The following SAMD8 variants were observed in gnomAD, a reference collection of about 807,000 sequenced individuals.
SAMD8 encodes the protein sphingomyelin synthase-related protein 1.
In SAMD8, 20 loss-of-function variants were observed where a neutral mutation model predicts 42.0. The observed-to-expected ratio is 0.48, with a 90% confidence interval of 0.34 to 0.69. The LOEUF is 0.69. Among genes scored for constraint, SAMD8 ranks in the 30% least tolerant of loss-of-function variants. The probability of loss-of-function intolerance (pLI) is 0.01; values close to 1 mark genes in which losing one functional copy is unlikely to be tolerated. For synonymous variants in SAMD8, 162 were observed against 173.0 expected, an observed-to-expected ratio of 0.94 and a Z score of 0.50; for missense variants, 328 against 511.6, an observed-to-expected ratio of 0.64 and a Z score of 3.46.
Position 75,176,261 on chromosome 10 carries a change from G to T in SAMD8, c.943+45G>T. ...TTCTATGCGTATTAGGTAACTAGCT[G>T]CAGTGAAGGCTGTGGGAAGGGTGTC... On this transcript the variant is annotated intron_variant, in intron 5 of 5. Coordinates refer to ENST00000542569, the MANE Select transcript of SAMD8 (RefSeq NM_001174156.2). The surrounding 1 kb of genome is among the most constrained non-coding windows in gnomAD (Gnocchi z 4.3). The T allele has an allele frequency of 1.9e-6, 3 of 1,613,902 alleles. No homozygotes were observed. The highest frequency in any genetic ancestry group is 2.2e-5 in the East Asian group (1 of 44,890).
chr10:75,137,856 T>G (rs1241303077), intron 1 of SAMD8, among the ~76,000 whole-genome samples: 1 of 152,126 alleles, frequency 6.6e-6, no homozygotes, highest in Non-Finnish European at 1.5e-5. Flanking sequence ...ACACTTAAAA[T>G]GGTAAAAATG....
intron 1 of SAMD8, among the ~76,000 whole-genome samples, chr10:75,149,667 TG>T (rs1840234539): frequency 6.6e-6 from 1 of 152,130 alleles, no homozygotes; most frequent in South Asian, 2.1e-4. Context: ...TCCCCCCAGG[TG>T]GGGAGATACG....
chr10:75,108,398 C>G, upstream of SAMD8: 1 of 1,085,922 alleles, frequency 9.2e-7, no homozygotes, highest in Non-Finnish European at 1.3e-6. Flanking sequence ...GTGGCTGAGC[C>G]GGCGGTGTGT....
chr10:75,116,759 C>G (rs976971968), intron 1 of SAMD8, among the ~76,000 whole-genome samples: 1 of 152,158 alleles, frequency 6.6e-6, no homozygotes, highest in African/African-American at 2.4e-5. Flanking sequence ...AGTTTGAAGT[C>G]TTGAGCCAGT....
Position 75,150,534 on chromosome 10 carries a change from A to G in SAMD8, c.6A>G (p.Ala2=). The G allele has an allele frequency of 1.2e-6, 2 of 1,609,642 alleles. No homozygotes were observed. The highest frequency in any genetic ancestry group is 1.7e-6 in the Non-Finnish European group (2 of 1,178,134). The change falls in exon 2 of 6, where the codon GCA becomes GCG. Residue 2 remains alanine, a synonymous_variant. Coordinates refer to ENST00000542569, the MANE Select transcript of SAMD8 (RefSeq NM_001174156.2). M[A]GPNQLCIRRW... ...TACAGGCAGCGGAGGAGGAAATGGC[A>G]GGTCCTAATCAACTCTGCATTCGCC...
intron 1 of SAMD8, among the ~76,000 whole-genome samples, chr10:75,140,993 A>G (rs377200805): frequency 4.6e-5 from 7 of 152,268 alleles, no homozygotes; most frequent in African/African-American, 1.7e-4. Context: ...TTTTTATGCT[A>G]TTATAAATGG....
At chr10:75,144,713 A>C (rs1316819656) in intron 1 of SAMD8, among the ~76,000 whole-genome samples, 1 of 151,964 alleles carries the variant, frequency 6.6e-6, no homozygotes, top group Non-Finnish European at 1.5e-5. Flanking sequence ...GCTGGAGTGC[A>C]GTGGCGCGAT....
rs923167471 is a variant in SAMD8, at chr10:75,111,669, G to A, written c.-69G>A. 68 of 1,239,502 alleles carry A rather than the reference G, an allele frequency of 5.5e-5. No individual in the cohort carries two copies. Among genetic ancestry groups the A allele is most frequent in the Admixed American group, 2.1e-4 (5 of 23,712 alleles). The allele number at this position is 1,239,502 out of a possible 1,614,324, so 76.8% of individuals were successfully genotyped here. On this transcript the variant is annotated 5_prime_UTR_variant, in exon 1 of 6. Coordinates refer to ENST00000542569, the MANE Select transcript of SAMD8 (RefSeq NM_001174156.2). Reference sequence around the variant, plus strand: ...GGGGAGGGCCCCGGACTCCGACGGCGGCTCGGACGCCGACTCGGAGGTGGG... The same window carrying A: ...GGGGAGGGCCCCGGACTCCGACGGCAGCTCGGACGCCGACTCGGAGGTGGG...
intron 1 of SAMD8, 37 bp downstream of exon 1, chr10:75,111,759 G>T: frequency 8.1e-7 from 1 of 1,233,090 alleles, no homozygotes; most frequent in Non-Finnish European, 1.0e-6. Context: ...GGGGAGCTTG[G>T]GGGGCGCCTG....
chr10:75,103,031 T>A (rs183689761), intron 1 of SAMD8, among the ~76,000 whole-genome samples: 3 of 152,286 alleles, frequency 2.0e-5, no homozygotes, highest in Admixed American at 2.0e-4. Flanking sequence ...GAGAATCACC[T>A]GAGCCCAGGA....
At chr10:75,172,685 A>G (rs914235520) in intron 4 of SAMD8, among the ~76,000 whole-genome samples, 8 of 152,140 alleles carry the variant, frequency 5.3e-5, no homozygotes, top group African/African-American at 1.9e-4. Flanking sequence ...TTCAGTAGAG[A>G]TGGGGTTTCA....
intron 4 of SAMD8, among the ~76,000 whole-genome samples, chr10:75,171,172 T>TC (rs1366696117): frequency 6.2e-5 from 8 of 129,482 alleles, no homozygotes; most frequent in Non-Finnish European, 1.6e-5. Context: ...TTTTTTTTTT[T>TC]TTTTTTTTTT....
At chr10:75,170,034 G>A (rs145652749) in intron 4 of SAMD8, among the ~76,000 whole-genome samples, 18 of 152,152 alleles carry the variant, frequency 1.2e-4, no homozygotes, top group African/African-American at 4.1e-4. Flanking sequence ...TTTATATTTT[G>A]TGGATTTGTT....
At chr10:75,121,630 C>T (rs1452542379) in intron 1 of SAMD8, among the ~76,000 whole-genome samples, 3 of 152,188 alleles carry the variant, frequency 2.0e-5, no homozygotes, top group Non-Finnish European at 4.4e-5. Flanking sequence ...TTGCCTCATG[C>T]ATATACTTAG....
At chr10:75,135,715 A>G (rs543404159) in intron 1 of SAMD8, among the ~76,000 whole-genome samples, 140 of 151,702 alleles carry the variant, frequency 9.2e-4, no homozygotes, top group Admixed American at 2.3e-3. Flanking sequence ...AGTCCCAGCT[A>G]CTTGGGAGGC....
intron 2 of SAMD8, among the ~76,000 whole-genome samples, chr10:75,155,330 T>C (rs567666720): frequency 6.6e-6 from 1 of 152,126 alleles, no homozygotes. Context: ...ATATGTTTTG[T>C]AGCAAATTCA....
chr10:75,099,741 C>A lies in SAMD8; in HGVS notation c.-16+13C>A, dbSNP rs139045919. 1.9e-3 allele frequency: 506 copies of A among 268,660 alleles called. 10 individuals are homozygous for A. In the East Asian group the frequency reaches 0.036, roughly 19 times the overall value. The allele number at this position is 268,660 out of a possible 1,614,324, so 16.6% of individuals were successfully genotyped here. ...TCTACCTGAAGAGGTGGGAAGAGAACTTCTGAGGCAGGGAGGAGAGCCTGG... is the reference window on the plus strand; with the variant it reads ...TCTACCTGAAGAGGTGGGAAGAGAAATTCTGAGGCAGGGAGGAGAGCCTGG... On this transcript the variant is annotated intron_variant, in intron 1 of 3. Transcript: ENST00000447533.
upstream of SAMD8, chr10:75,111,543 G>T: frequency 4.0e-6 from 5 of 1,235,424 alleles, no homozygotes; most frequent in Non-Finnish European, 5.0e-6. Context: ...GACGGCGGCC[G>T]GGACGATGCC....
intron 1 of SAMD8, among the ~76,000 whole-genome samples, chr10:75,134,480 C>A (rs776022168): frequency 1.3e-5 from 2 of 151,876 alleles, no homozygotes; most frequent in Non-Finnish European, 2.9e-5. Context: ...ACTAAAAATA[C>A]AAAAATTAGC....
Sources: gnomAD v4.1 joint callset for allele counts (sites outside exome capture counted in the v4.1 genomes callset) on GRCh38, gnomAD v4.1.1 for gene constraint, Gnocchi (gnomAD v3.1) non-coding constraint, MANE v1.5 for transcripts, NCBI Gene and HGNC (gene_info 2026-07-23, HGNC 2026-07-21) for gene names.